The following SCUBE1 variants were observed in gnomAD, a reference collection of about 807,000 sequenced individuals.
SCUBE1 encodes signal peptide, CUB domain and EGF like domain containing 1.
Under a neutral mutation model 124.4 loss-of-function variants are expected in SCUBE1, and 59 were observed. That is an observed-to-expected ratio of 0.47 (90% CI 0.38 to 0.59). The LOEUF (loss-of-function observed/expected upper bound fraction) is 0.59, where lower values mean the gene tolerates loss of function less well. Ranked by LOEUF, SCUBE1 falls within the 20% of genes least tolerant of loss-of-function variation. The pLI is 0.00. For synonymous variants in SCUBE1, 545 were observed against 550.9 expected (o/e 0.99, Z 0.15); for missense variants, 1,150 against 1,371.2 (o/e 0.84, Z 2.55).
chr22:43,330,616 C>G (rs1490586107), intron 2 of SCUBE1, among the ~76,000 whole-genome samples: 1 of 152,220 alleles, frequency 6.6e-6, no homozygotes, highest in African/African-American at 2.4e-5. Context: ...TGAATCCAGT[C>G]CAGTGCACAC....
rs768524032 is a variant in SCUBE1 at position 43,229,106 on chromosome 22, G to A, written c.1050C>T (p.Arg350=). The A allele has an allele frequency of 2.2e-5, 36 of 1,613,636 alleles. No individual in the cohort carries two copies. Among genetic ancestry groups the A allele is most frequent in the African/African-American group, 1.6e-4 (12 of 74,946 alleles). The change falls in exon 9 of 22, where the codon CGC becomes CGT. Residue 350 remains arginine, a synonymous_variant. Coordinates refer to ENST00000360835, the MANE Select transcript of SCUBE1 (RefSeq NM_173050.5). ...SPGSFQCLCH[R]GYILYGTTHC... ...GGGTTGTCCCGTAGAGGATGTAGCC[G>A]CGGTGACACAGGCACTGGAAGCTGC...
At chr22:43,224,084 A>G (rs1227136848) in intron 10 of SCUBE1, among the ~76,000 whole-genome samples, 5 of 152,248 alleles carry the variant, frequency 3.3e-5, no homozygotes, top group Admixed American at 3.3e-4. Context: ...TTCTGGTTTC[A>G]GATACTGAGC....
At chr22:43,248,388 C>G (rs1923303676) in intron 6 of SCUBE1, among the ~76,000 whole-genome samples, 1 of 152,230 alleles carries the variant, frequency 6.6e-6, no homozygotes, top group South Asian at 2.1e-4. Flanking sequence ...CGTCTTTTCT[C>G]TACTAAGCCC....
intron 14 of SCUBE1, 73 bp from the exon 15 acceptor site, chr22:43,218,531 C>A (rs1369424063): frequency 2.0e-6 from 3 of 1,522,796 alleles, no homozygotes; most frequent in East Asian, 4.5e-5. Flanking sequence ...GCTGAGGGCT[C>A]CCCCGTGCCA....
intron 4 of SCUBE1, among the ~76,000 whole-genome samples, chr22:43,271,515 C>T (rs1364238923): frequency 2.0e-5 from 3 of 152,282 alleles, no homozygotes; most frequent in Admixed American, 1.3e-4. Flanking sequence ...ACCTGGCTGC[C>T]GTTCTGGCTC....
At chr22:43,254,827 G>A (rs940526643) in intron 6 of SCUBE1, among the ~76,000 whole-genome samples, 1 of 152,238 alleles carries the variant, frequency 6.6e-6, no homozygotes, top group Non-Finnish European at 1.5e-5. Context: ...TTTCCACTGT[G>A]CACGCTGAGC....
At chr22:43,301,633 G>C (rs1194303311) in intron 3 of SCUBE1, among the ~76,000 whole-genome samples, 1 of 152,124 alleles carries the variant, frequency 6.6e-6, no homozygotes, top group African/African-American at 2.4e-5. Context: ...TCTGCAACGT[G>C]TCCCTCCCCT....
At chr22:43,208,823 A>G (rs1177591093) in intron 19 of SCUBE1, among the ~76,000 whole-genome samples, 1 of 152,194 alleles carries the variant, frequency 6.6e-6, no homozygotes, top group Non-Finnish European at 1.5e-5. Flanking sequence ...TCTGCAAACC[A>G]TCCTTTTCTC....
At chr22:43,336,208 AGG>A (rs1234847847) in intron 2 of SCUBE1, among the ~76,000 whole-genome samples, 1 of 152,114 alleles carries the variant, frequency 6.6e-6, no homozygotes, top group African/African-American at 2.4e-5. Flanking sequence ...AGGCTCAGTG[AGG>A]GCAAGTTACC....
At chr22:43,307,694 T>C (rs1003776581) in intron 3 of SCUBE1, among the ~76,000 whole-genome samples, 3 of 152,158 alleles carry the variant, frequency 2.0e-5, no homozygotes, top group African/African-American at 4.8e-5. Flanking sequence ...CTGTGGCCAG[T>C]CTTGTCTCCC....
rs188270974 is a variant in SCUBE1, at chr22:43,319,620, C to A, written c.349+317G>T. On this transcript the variant is annotated intron_variant, in intron 3 of 21. Coordinates refer to ENST00000360835, the MANE Select transcript of SCUBE1 (RefSeq NM_173050.5). ...GACACAGAGAGACACTAGACACTTG[C>A]ATGCAAAGTGGGAAGACCGTATGAA... Among the ~76,000 whole-genome samples the A allele has an allele frequency of 9.1e-4, 136 of 149,346 alleles. 2 individuals are homozygous for A. In the East Asian group the frequency reaches 0.018, roughly 20 times the overall value.
chr22:43,240,087 G>C (rs964574892), intron 6 of SCUBE1, among the ~76,000 whole-genome samples: 4 of 152,048 alleles, frequency 2.6e-5, no homozygotes, highest in African/African-American at 9.7e-5. Flanking sequence ...AGGGGGAGAG[G>C]GGAACCTCAT....
chr22:43,319,847 AG>A, intron 3 of SCUBE1, 89 bp downstream of exon 3: 1 of 1,493,052 alleles, frequency 6.7e-7, no homozygotes, highest in Non-Finnish European at 9.1e-7. Context: ...CAAAGGAAGG[AG>A]AACCTTCTCA....
intron 6 of SCUBE1, among the ~76,000 whole-genome samples, chr22:43,246,771 A>C (rs1305977415): frequency 6.6e-6 from 1 of 152,234 alleles, no homozygotes; most frequent in Non-Finnish European, 1.5e-5. Context: ...ATTAAACAAC[A>C]ACCTGGGGCA....
chr22:43,325,792 A>G (rs1226071405), intron 2 of SCUBE1, among the ~76,000 whole-genome samples: 2 of 152,194 alleles, frequency 1.3e-5, no homozygotes, highest in African/African-American at 4.8e-5. Context: ...AAAGCAGCAC[A>G]GAGAACTGCT....
intron 4 of SCUBE1, among the ~76,000 whole-genome samples, chr22:43,279,603 C>T (rs1056896178): frequency 6.6e-6 from 1 of 152,248 alleles, no homozygotes; most frequent in East Asian, 1.9e-4. Flanking sequence ...ATTACCCAGT[C>T]TCAGCTCTTC....
chr22:43,238,943 C>T lies in SCUBE1; in HGVS notation c.739G>A (p.Val247Ile), dbSNP rs373895412. Residue 247 changes from valine to isoleucine, a missense_variant, in exon 7 of 22, where the codon GTC becomes ATC. Physicochemically the swap from Val to Ile is conservative, Grantham distance 29. This residue lies in a region of SCUBE1 where 337 missense variants were observed against 482.1 expected (regional missense o/e 0.70). Transcript: ENST00000360835. ...GTCCGGTCGCAGCCTCCGTTATTGA[C>T]TGCGCACGTCTCTGGGGAGGGAAAG... ...DGRTCIETCA[V>I]NNGGCDRTCK... 26 of 1,611,452 alleles carry T rather than the reference C, an allele frequency of 1.6e-5. No homozygotes were observed. The highest frequency in any genetic ancestry group is 2.7e-5 in the African/African-American group (2 of 74,926).
chr22:43,287,514 C>A (rs938623625), intron 4 of SCUBE1, among the ~76,000 whole-genome samples: 3 of 152,218 alleles, frequency 2.0e-5, no homozygotes, highest in African/African-American at 7.2e-5. Flanking sequence ...TGTGCTCTGG[C>A]GCCTAGAAAG....
At chr22:43,329,256 A>G (rs892742084) in intron 2 of SCUBE1, among the ~76,000 whole-genome samples, 3 of 152,262 alleles carry the variant, frequency 2.0e-5, no homozygotes, top group Non-Finnish European at 4.4e-5. Context: ...GTCTGCCCGC[A>G]GGGCTGGCAG....
Sources: allele counts gnomAD v4.1 joint callset (sites outside exome capture counted in the v4.1 genomes callset), GRCh38; gene constraint gnomAD v4.1.1; regional missense constraint gnomAD v4.1.1; transcripts MANE v1.5; gene names NCBI Gene and HGNC (gene_info 2026-07-23, HGNC 2026-07-21).